The following SNTB1 variants were observed in gnomAD, a reference collection of about 807,000 sequenced individuals.
SNTB1 encodes beta-1-syntrophin.
SNTB1 carries 36 observed loss-of-function variants against 48.9 expected under a neutral mutation model. The observed-to-expected ratio is 0.74, with a 90% CI of 0.56 to 0.97. The LOEUF is 0.97. Among genes scored for constraint, SNTB1 ranks in the 50% least tolerant of loss-of-function variants. The pLI is 0.00. For missense variants in SNTB1, 786 were observed against 703.4 expected (o/e 1.12, Z -1.33); for synonymous variants, 299 against 294.6 (o/e 1.01, Z -0.15).
intron 1 of SNTB1, among the ~76,000 whole-genome samples, chr8:120,784,072 C>A (rs1392103893): frequency 2.0e-5 from 3 of 152,098 alleles, no homozygotes; most frequent in Admixed American, 6.5e-5. Context: ...CTGCTCACTG[C>A]AACCTCCACC....
At chr8:120,791,718 C>G (rs186824384) in intron 1 of SNTB1, among the ~76,000 whole-genome samples, 28 of 151,974 alleles carry the variant, frequency 1.8e-4, no homozygotes, top group South Asian at 4.1e-4. Flanking sequence ...CATCAATTAT[C>G]AGGGAAATGC....
intron 1 of SNTB1, among the ~76,000 whole-genome samples, chr8:120,794,121 G>A (rs1820082864): frequency 6.6e-6 from 1 of 152,000 alleles, no homozygotes; most frequent in African/African-American, 2.4e-5. Context: ...GGCAGAGATG[G>A]TGAATTCAGT....
chr8:120,806,584 A>G (rs541445210), intron 1 of SNTB1, among the ~76,000 whole-genome samples: 14 of 152,332 alleles, frequency 9.2e-5, no homozygotes, highest in African/African-American at 3.4e-4. Flanking sequence ...ACTTTACAAT[A>G]ATAAAAGGGG....
At chr8:120,804,718 G>GC (rs1029499413) in intron 1 of SNTB1, among the ~76,000 whole-genome samples, 13 of 151,734 alleles carry the variant, frequency 8.6e-5, no homozygotes, top group Admixed American at 2.6e-4. Context: ...TCTGTAATAC[G>GC]CCCCCCCAAG....
chr8:120,750,984 T>C (rs1266054884), intron 1 of SNTB1, among the ~76,000 whole-genome samples: 3 of 152,088 alleles, frequency 2.0e-5, no homozygotes, highest in African/African-American at 7.2e-5. Flanking sequence ...TATTATGACG[T>C]TGTCTTCTAA....
chr8:120,796,960 T>C (rs1820128916), intron 1 of SNTB1, among the ~76,000 whole-genome samples: 2 of 152,084 alleles, frequency 1.3e-5, no homozygotes, highest in South Asian at 2.1e-4. Context: ...AATATTAATA[T>C]ATAAAGAGGT....
chr8:120,563,582 T>A (rs1815699195), intron 4 of SNTB1, among the ~76,000 whole-genome samples: 1 of 152,036 alleles, frequency 6.6e-6, no homozygotes, highest in South Asian at 2.1e-4. Context: ...ACAATCAAAT[T>A]TTCATCCTCC....
chr8:120,636,642 T>C (rs13270404), intron 2 of SNTB1, among the ~76,000 whole-genome samples: 33,157 of 148,130 alleles, frequency 0.22, 3,395 homozygotes, highest in Middle Eastern at 0.28. Context: ...CAGTCCATCA[T>C]TGTTGGACAT....
intron 2 of SNTB1, among the ~76,000 whole-genome samples, chr8:120,640,260 A>C (rs1817167099): frequency 6.6e-6 from 1 of 152,216 alleles, no homozygotes; most frequent in Non-Finnish European, 1.5e-5. Flanking sequence ...GTTGCTTATC[A>C]GTTTAAGGAG....
intron 3 of SNTB1, among the ~76,000 whole-genome samples, chr8:120,609,490 T>C (rs1816584223): frequency 6.6e-6 from 1 of 152,326 alleles, no homozygotes; most frequent in Middle Eastern, 3.4e-3. Flanking sequence ...CTGCTGCTGC[T>C]GGTGAAGTAT....
intron 1 of SNTB1, among the ~76,000 whole-genome samples, chr8:120,737,310 T>C (rs1158784159): frequency 4.6e-5 from 7 of 152,138 alleles, no homozygotes; most frequent in African/African-American, 9.7e-5. Flanking sequence ...AAATAAATTA[T>C]ATACAGCATG....
At chr8:120,586,768 A>C (rs1430556464) in intron 3 of SNTB1, among the ~76,000 whole-genome samples, 1 of 152,202 alleles carries the variant, frequency 6.6e-6, no homozygotes, top group African/African-American at 2.4e-5. Context: ...AAAATAACGT[A>C]TGGAGCGAAA....
At chr8:120,721,381 A>C (rs543201798) in intron 1 of SNTB1, among the ~76,000 whole-genome samples, 2 of 152,298 alleles carry the variant, frequency 1.3e-5, no homozygotes, top group Admixed American at 1.3e-4. Context: ...GTATTTAGCT[A>C]ATTGCAGGGG....
intron 4 of SNTB1, chr8:120,571,395 G>T (rs73707305): frequency 0.17 from 198,916 of 1,169,598 alleles, 21,191 homozygotes; most frequent in Middle Eastern, 0.26. Context: ...AAGCAATAGC[G>T]ATTGGGCCGA....
intron 4 of SNTB1, among the ~76,000 whole-genome samples, chr8:120,569,360 G>A (rs1815805700): frequency 6.6e-6 from 1 of 152,188 alleles, no homozygotes; most frequent in South Asian, 2.1e-4. Context: ...GCAGGCTTAT[G>A]GGTTTAGGCT....
At chr8:120,580,667 T>A (rs1422369992) in intron 3 of SNTB1, among the ~76,000 whole-genome samples, 1 of 152,202 alleles carries the variant, frequency 6.6e-6, no homozygotes. Context: ...CTGTTTCGCC[T>A]CAGGTTGCTA....
chr8:120,768,658 G>C (rs1587146416), intron 1 of SNTB1: 2 of 152,308 alleles, frequency 1.3e-5, no homozygotes, highest in African/African-American at 2.4e-5. Flanking sequence ...TGATTTTTGA[G>C]ATGTTGAAAG....
chr8:120,781,389 A>G (rs997346429), intron 1 of SNTB1, among the ~76,000 whole-genome samples: 6 of 152,272 alleles, frequency 3.9e-5, no homozygotes, highest in Non-Finnish European at 7.4e-5. Context: ...TTAACCAAAG[A>G]TATTTTTCAC....
rs35604534 is a variant in SNTB1 at position 120,744,121 on chromosome 8, A to ATTTTTTTTTTTTTTTTTTTTTTT, written c.572-50214_572-50213insAAAAAAAAAAAAAAAAAAAAAAA. ...CTCAAGCCTGGGTGACCCTGTCTCAATTTTTTTTTTTTTTTGCAAGGGAAT... is the reference window on the plus strand; with the variant it reads ...CTCAAGCCTGGGTGACCCTGTCTCAATTTTTTTTTTTTTTTTTTTTTTTTTTTTTTTTTTTTTTGCAAGGGAAT... On this transcript the variant is annotated intron_variant, in intron 1 of 6. Coordinates refer to ENST00000517992, the MANE Select transcript of SNTB1 (RefSeq NM_021021.4). Among the ~76,000 whole-genome samples the ATTTTTTTTTTTTTTTTTTTTTTT allele has an allele frequency of 5.2e-3, 710 of 135,776 alleles. 19 individuals are homozygous for ATTTTTTTTTTTTTTTTTTTTTTT. The highest frequency in any genetic ancestry group is 0.018 in the East Asian group (77 of 4,338). 89.1% of individuals were successfully genotyped at this position (135,776 alleles called of 152,430 possible).
Sources: gnomAD v4.1 joint callset for allele counts (sites outside exome capture counted in the v4.1 genomes callset) on GRCh38, gnomAD v4.1.1 for gene constraint, MANE v1.5 for transcripts, NCBI Gene and HGNC (gene_info 2026-07-23, HGNC 2026-07-21) for gene names.